NMNAT3: variants seen among roughly 807,000 people sequenced by gnomAD.
The protein encoded by NMNAT3 is nicotinamide nucleotide adenylyltransferase 3, also known as nicotinamide/nicotinic acid mononucleotide adenylyltransferase 3.
Under a neutral mutation model 24.8 loss-of-function variants are expected in NMNAT3, and 21 were observed. The observed-to-expected ratio is 0.85, with a 90% CI of 0.60 to 1.22. The LOEUF is 1.22. NMNAT3 is among the 50% of genes most tolerant of loss of function. The pLI, the probability that NMNAT3 is intolerant of heterozygous loss-of-function variation, is 0.00. For missense variants in NMNAT3, 387 were observed against 436.6 expected, an observed-to-expected ratio of 0.89 and a Z score of 1.01; for synonymous variants, 136 against 155.2, an observed-to-expected ratio of 0.88 and a Z score of 0.92.
chr3:139,626,328 A>C (rs2056049931), intron 3 of NMNAT3, among the ~76,000 whole-genome samples: 1 of 151,868 alleles, frequency 6.6e-6, no homozygotes, highest in Non-Finnish European at 1.5e-5. Context: ...ATTTTTAGAT[A>C]GTTCCTATTA....
At chr3:139,631,726 C>A (rs2056306653) in intron 2 of NMNAT3, among the ~76,000 whole-genome samples, 1 of 152,108 alleles carries the variant, frequency 6.6e-6, no homozygotes, top group South Asian at 2.1e-4. Context: ...CAACATGCTG[C>A]TTCTGCAAAA....
intron 3 of NMNAT3, among the ~76,000 whole-genome samples, chr3:139,605,242 T>A (rs2054891923): frequency 6.6e-6 from 1 of 152,220 alleles, no homozygotes; most frequent in African/African-American, 2.4e-5. Context: ...TCCTTAGACA[T>A]CTTGATATTA....
intron 1 of NMNAT3, among the ~76,000 whole-genome samples, chr3:139,676,943 A>T (rs7617537): frequency 0.39 from 58,984 of 151,990 alleles, 11,691 homozygotes; most frequent in Non-Finnish European, 0.43. Flanking sequence ...AGTCATTTAC[A>T]TTCACCATTT....
intron 4 of NMNAT3, among the ~76,000 whole-genome samples, chr3:139,581,166 G>A (rs974334130): frequency 6.6e-6 from 1 of 151,934 alleles, no homozygotes; most frequent in Non-Finnish European, 1.5e-5. Context: ...AACAAAAACA[G>A]GACTACTCTA....
intron 5 of NMNAT3, among the ~76,000 whole-genome samples, chr3:139,575,063 T>C (rs1939095281): frequency 6.6e-6 from 1 of 152,180 alleles, no homozygotes; most frequent in South Asian, 2.1e-4. Flanking sequence ...AAGTGTTAGC[T>C]GTTATTATCA....
At chr3:139,588,197 T>A (rs1266405937) in intron 3 of NMNAT3, among the ~76,000 whole-genome samples, 3 of 152,184 alleles carry the variant, frequency 2.0e-5, no homozygotes, top group African/African-American at 7.2e-5. Context: ...GACCCTCTGC[T>A]GCTCAGACAC....
chr3:139,582,946 G>T lies in NMNAT3; in HGVS notation c.372C>A (p.Phe124Leu). 1 of 1,513,538 alleles carries T rather than the reference G, an allele frequency of 6.6e-7. No individual in the cohort carries two copies. The highest frequency in any genetic ancestry group is 1.4e-5 in the South Asian group (1 of 73,168). 93.8% of individuals were successfully genotyped at this position (1,513,538 alleles called of 1,614,324 possible). A position where few individuals can be genotyped will look rare whatever the true frequency, so the allele number is the denominator to read the frequency against. The change falls in exon 4 of 7, where the codon TTC (phenylalanine) becomes TTA (leucine). Residue 124 changes from phenylalanine (F) to leucine (L), a missense_variant. Phe to Leu is a conservative substitution (Grantham distance 22). Transcript: ENST00000643695. ...TTTTACCTTGAAGTCGCTCATCAGT[G>T]AATATTTTGTTTGTTTGGTTCCAGG...
chr3:139,591,882 A>G (rs1170690970), intron 3 of NMNAT3, among the ~76,000 whole-genome samples: 1 of 152,254 alleles, frequency 6.6e-6, no homozygotes, highest in Non-Finnish European at 1.5e-5. Flanking sequence ...AACAGAGCAG[A>G]AAAACTGGAA....
chr3:139,662,072 C>A (rs913231877), intron 1 of NMNAT3, among the ~76,000 whole-genome samples: 5 of 152,180 alleles, frequency 3.3e-5, no homozygotes, highest in Non-Finnish European at 1.5e-5. Context: ...ATCATTCCCA[C>A]AAGTGCACCA....
At chr3:139,677,122 CT>C (rs750826693) in intron 1 of NMNAT3, among the ~76,000 whole-genome samples, 2 of 152,294 alleles carry the variant, frequency 1.3e-5, no homozygotes, top group Middle Eastern at 3.4e-3. Context: ...CCCGGGAATT[CT>C]CTAAAGTTTT....
At chr3:139,671,370 C>T (rs2057750998) in intron 1 of NMNAT3, among the ~76,000 whole-genome samples, 1 of 152,194 alleles carries the variant, frequency 6.6e-6, no homozygotes, top group South Asian at 2.1e-4. Flanking sequence ...TCCTCCTATA[C>T]TGTATATTCA....
At chr3:139,594,891 A>C (rs2108189887) in intron 3 of NMNAT3, among the ~76,000 whole-genome samples, 1 of 152,348 alleles carries the variant, frequency 6.6e-6, no homozygotes, top group East Asian at 1.9e-4. Context: ...ATTTCCTTTG[A>C]AAACGGGCAC....
intron 3 of NMNAT3, among the ~76,000 whole-genome samples, chr3:139,595,778 A>G (rs1311655544): frequency 6.6e-6 from 1 of 152,222 alleles, no homozygotes; most frequent in African/African-American, 2.4e-5. Flanking sequence ...CTGAAACTGG[A>G]TCCCTTCCTT....
At chr3:139,594,286 C>T (rs2054339408) in intron 3 of NMNAT3, among the ~76,000 whole-genome samples, 1 of 152,132 alleles carries the variant, frequency 6.6e-6, no homozygotes, top group African/African-American at 2.4e-5. Flanking sequence ...TCTGAATAGA[C>T]CAATAACAGG....
chr3:139,612,311 A>G (rs1420170259), intron 3 of NMNAT3, among the ~76,000 whole-genome samples: 1 of 152,212 alleles, frequency 6.6e-6, no homozygotes, highest in Non-Finnish European at 1.5e-5. Context: ...GCTCATGGCT[A>G]GCAAGAGTTC....
At chr3:139,586,391 T>G (rs1288013465) in intron 3 of NMNAT3, among the ~76,000 whole-genome samples, 3 of 152,078 alleles carry the variant, frequency 2.0e-5, no homozygotes, top group Non-Finnish European at 4.4e-5. Context: ...TTAAAAAAGG[T>G]GAAGTGTGGA....
At chr3:139,567,877 C>T (rs1273280658) in intron 6 of NMNAT3, 4 of 152,094 alleles carry the variant, frequency 2.6e-5, no homozygotes, top group Non-Finnish European at 5.9e-5. Flanking sequence ...GGGAGGATTC[C>T]CTCTTTTTCT....
chr3:139,566,599 G>A (rs1168170258), intron 6 of NMNAT3: 1 of 152,036 alleles, frequency 6.6e-6, no homozygotes, highest in South Asian at 2.1e-4. Context: ...AGTTTTCCCA[G>A]CACCATTTAT....
chr3:139,580,547 A>G (rs1031472900), intron 4 of NMNAT3, among the ~76,000 whole-genome samples: 2 of 152,206 alleles, frequency 1.3e-5, no homozygotes, highest in African/African-American at 2.4e-5. Flanking sequence ...ACATTCCTAC[A>G]TAAGAGAGAG....
Sources: allele counts gnomAD v4.1 joint callset (sites outside exome capture counted in the v4.1 genomes callset), GRCh38; gene constraint gnomAD v4.1.1; transcripts MANE v1.5; gene names NCBI Gene and HGNC (gene_info 2026-07-23, HGNC 2026-07-21).